Variants in ARFGAP2 observed in about 807,000 individuals in gnomAD.
ARFGAP2 encodes the protein ARF GTPase activating protein 2, also known as ADP-ribosylation factor GTPase-activating protein 2.
ARFGAP2 carries 45 observed loss-of-function variants against 71.9 expected under a neutral mutation model. The ratio of observed to expected loss-of-function variants is 0.63; its 90% CI spans 0.49 to 0.80. The LOEUF is 0.80. Among genes scored for constraint, ARFGAP2 ranks in the 30% least tolerant of loss-of-function variants. The pLI, the probability that ARFGAP2 is intolerant of heterozygous loss-of-function variation, is 0.00. For synonymous variants in ARFGAP2, 248 were observed against 249.2 expected (o/e 1.00, Z 0.05); for missense variants, 633 against 673.9 (o/e 0.94, Z 0.67).
At chr11:47,166,416 C>A (rs527891585) in intron 14 of ARFGAP2, 30 bp from the exon 15 acceptor site, 1 of 1,612,262 alleles carries the variant, frequency 6.2e-7, no homozygotes, top group East Asian at 2.2e-5. Flanking sequence ...TGACCCAGAG[C>A]CCAGCAAGAA....
chr11:47,167,992 A>G lies in ARFGAP2; in HGVS notation c.1122T>C (p.Asp374=). 1 of 1,614,148 alleles carries G rather than the reference A, an allele frequency of 6.2e-7. No homozygotes were observed. ...TGTCCATACCCCAGGCAGCATCTGT[A>G]TCCCAGCGGGAGCCAAAGCTTTCCC... ...SLGESFGSRW[D]TDAAWGMDRV... The change falls in exon 12 of 16, where the codon GAT becomes GAC. Residue 374 remains aspartate, a synonymous_variant. Coordinates refer to ENST00000524782, the MANE Select transcript of ARFGAP2 (RefSeq NM_032389.6).
Position 47,176,831 on chromosome 11 carries a change from G to A in ARFGAP2, c.23C>T (p.Thr8Ile). The change falls in exon 1 of 16, where the codon ACC becomes ATC. Residue 8 changes from threonine (T) to isoleucine (I), a missense_variant. By Grantham distance (89) the Thr-to-Ile change is moderately conservative (BLOSUM62 -1). Coordinates refer to ENST00000524782, the MANE Select transcript of ARFGAP2 (RefSeq NM_032389.6). MAAEPNKTEIQTLFKRLR... is the reference protein window; with the variant it reads MAAEPNKIEIQTLFKRLR... ...CCTCTTAAAAAGAGTCTGGATTTCG[G>A]TCTTGTTCGGCTCCGCCGCCATTTT... 6.2e-7 allele frequency: 1 copy of A among 1,613,872 alleles called. No homozygotes were observed. Among genetic ancestry groups the A allele is most frequent in the African/African-American group, 1.3e-5 (1 of 75,064 alleles).
chr11:47,171,618 C>T, intron 9 of ARFGAP2, 46 bp downstream of exon 9: 1 of 1,613,978 alleles, frequency 6.2e-7, no homozygotes. Flanking sequence ...ACATACCCAC[C>T]CACCAAGCCC....
At chr11:47,173,680 C>T (rs1175504160) in intron 6 of ARFGAP2, 79 bp downstream of exon 6, 2 of 1,513,458 alleles carry the variant, frequency 1.3e-6, no homozygotes, top group Non-Finnish European at 1.8e-6. Context: ...CTCCTATTGT[C>T]ATGGCCAGAT....
chr11:47,176,868 A>G lies in ARFGAP2; in HGVS notation c.-15T>C, dbSNP rs769432309. The G allele has an allele frequency of 1.9e-6, 3 of 1,611,668 alleles. No individual in the cohort carries two copies. Among genetic ancestry groups the G allele is most frequent in the African/African-American group, 1.3e-5 (1 of 75,004 alleles). On this transcript the variant is annotated 5_prime_UTR_variant, in exon 1 of 16. Transcript: ENST00000524782. ...TCCGCCGCCATTTTCTCTCCTTCCC[A>G]GACACAACCGCGGCTGACGGGTCCC...
rs781621142 is a variant in ARFGAP2, at chr11:47,166,355, T to C, written c.1458A>G (p.Thr486=). The C allele has an allele frequency of 2.5e-6, 4 of 1,614,100 alleles. No individual in the cohort carries two copies. Among genetic ancestry groups the C allele is most frequent in the African/African-American group, 2.7e-5 (2 of 74,938 alleles). ...CCTGCTTAAACTGGGCAATGTCCGC[T>C]GTAGGCAGCACGTTCCCCAGAGATA... is the stretch of plus-strand genomic sequence containing the variant. The part of the protein sequence containing the change: ...GSVSLGNVLP[T]ADIAQFKQGV... Residue 486 remains threonine, a synonymous_variant, in exon 15 of 16, where the codon ACA becomes ACG. Transcript: ENST00000524782.
At chr11:47,173,916 C>G in intron 5 of ARFGAP2, 76 bp from the exon 6 acceptor site, 1 of 1,545,620 alleles carries the variant, frequency 6.5e-7, no homozygotes, top group Non-Finnish European at 8.7e-7. Flanking sequence ...CTACAAGCAC[C>G]TTGTGGACAA....
chr11:47,171,963 G>C (rs917433917), intron 8 of ARFGAP2, 163 bp from the exon 9 acceptor site: 1 of 1,124,408 alleles, frequency 8.9e-7, no homozygotes, highest in Non-Finnish European at 1.2e-6. Flanking sequence ...TGCTCCGCTG[G>C]AGCTGGGCAT....
At chr11:47,171,223 C>T (rs1213782393) in intron 10 of ARFGAP2, among the ~76,000 whole-genome samples, 1 of 152,240 alleles carries the variant, frequency 6.6e-6, no homozygotes, top group African/African-American at 2.4e-5. Context: ...GTTTTGTTCA[C>T]ATACCTATTC....
At chr11:47,176,414 A>C (rs1590965294) in intron 2 of ARFGAP2, 102 bp downstream of exon 2, 1 of 1,162,766 alleles carries the variant, frequency 8.6e-7, no homozygotes. Flanking sequence ...GAGGCTTCCC[A>C]CCGAATTCAG....
intron 2 of ARFGAP2, chr11:47,176,284 A>G: frequency 1.7e-6 from 1 of 596,650 alleles, no homozygotes; most frequent in Admixed American, 3.0e-5. Context: ...TCAGAGTCTC[A>G]AGCCTGACCG....
chr11:47,171,958 C>T (rs940281326), intron 8 of ARFGAP2, 158 bp from the exon 9 acceptor site: 14 of 1,149,784 alleles, frequency 1.2e-5, no homozygotes, highest in Middle Eastern at 3.0e-4. Context: ...AATAGTGCTC[C>T]GCTGGAGCTG....
intron 2 of ARFGAP2, 85 bp from the exon 3 acceptor site, chr11:47,176,008 G>A: frequency 2.2e-6 from 3 of 1,349,086 alleles, no homozygotes; most frequent in African/African-American, 1.4e-5. Context: ...TTGGCCTCAG[G>A]CTGCTGTAGG....
intron 10 of ARFGAP2, among the ~76,000 whole-genome samples, chr11:47,170,009 T>C (rs1249419755): frequency 6.6e-6 from 1 of 152,052 alleles, no homozygotes; most frequent in Non-Finnish European, 1.5e-5. Context: ...AATGTTATGC[T>C]CTGGCTGGAT....
rs555903117 is a variant in ARFGAP2 at position 47,172,648 on chromosome 11, C to A, written c.620-315G>T. 3.0e-6 allele frequency: 4 copies of A among 1,329,224 alleles called. No individual in the cohort carries two copies. In the East Asian group the frequency reaches 1.8e-4, roughly 59 times the overall value. 82.3% of individuals were successfully genotyped at this position (1,329,224 alleles called of 1,614,324 possible). On this transcript the variant is annotated intron_variant, in intron 7 of 15. Transcript: ENST00000524782. ...CAGGGAGCATATGGTGAGCACCAGG[C>A]TCCGCTTCTAAAGCAGGAAGCTGAG... is the stretch of plus-strand genomic sequence containing the variant.
In ARFGAP2 at chr11:47,166,371, C is replaced by T. The variant is rs1952377120; in HGVS notation, c.1442G>A (p.Gly481Glu). ...AATGTCCGCTGTAGGCAGCACGTTCCCCAGAGATACACTTCCTGTAAAACA... is the reference window on the plus strand; with the variant it reads ...AATGTCCGCTGTAGGCAGCACGTTCTCCAGAGATACACTTCCTGTAAAACA... ...GAHGAGSVSL[G>E]NVLPTADIAQ... Residue 481 changes from glycine (G) to glutamate (E), a missense_variant, in exon 15 of 16, where the codon GGG becomes GAG. Physicochemically the swap from Gly to Glu is moderately conservative, Grantham distance 98 (BLOSUM62 -2). Transcript: ENST00000524782. 1 of 1,614,128 alleles carries T rather than the reference C, an allele frequency of 6.2e-7. No homozygotes were observed. Among genetic ancestry groups the T allele is most frequent in the Non-Finnish European group, 8.5e-7 (1 of 1,179,992 alleles).
intron 5 of ARFGAP2, chr11:47,174,411 C>T (rs1367877541): frequency 2.5e-5 from 3 of 119,306 alleles, no homozygotes; most frequent in Admixed American, 1.1e-4. Context: ...TTTTTTGAGA[C>T]GGAGTCTCGC....
chr11:47,173,301 G>C, intron 7 of ARFGAP2, 125 bp downstream of exon 7: 1 of 1,136,658 alleles, frequency 8.8e-7, no homozygotes, highest in Non-Finnish European at 1.3e-6. Flanking sequence ...CCACTCCAGA[G>C]AATCAGATAG....
At chr11:47,174,703 C>A (rs1363353919) in intron 5 of ARFGAP2, 2 of 313,378 alleles carry the variant, frequency 6.4e-6, no homozygotes, top group Non-Finnish European at 1.2e-5. Flanking sequence ...CCCACAGTGC[C>A]TTTCTTATAG....
Sources: gnomAD v4.1 joint callset for allele counts (sites outside exome capture counted in the v4.1 genomes callset) on GRCh38, gnomAD v4.1.1 for gene constraint, MANE v1.5 for transcripts, NCBI Gene and HGNC (gene_info 2026-07-23, HGNC 2026-07-21) for gene names.